The following CADPS2 variants were observed in gnomAD, a reference collection of about 807,000 sequenced individuals.
CADPS2 encodes the protein calcium dependent secretion activator 2.
CADPS2 carries 93 observed loss-of-function variants against 172.5 expected under a neutral mutation model. That is an observed-to-expected ratio of 0.54 (90% CI 0.46 to 0.64). The LOEUF (loss-of-function observed/expected upper bound fraction) is 0.64, where lower values mean the gene tolerates loss of function less well. CADPS2 is among the 30% of genes least tolerant of loss of function. CADPS2 has a pLI of 0.00. For missense variants in CADPS2, 1,420 were observed against 1,565.9 expected (o/e 0.91, Z 1.57); for synonymous variants, 546 against 555.2 (o/e 0.98, Z 0.23).
chr7:122,796,240 C>T (rs1796343651), intron 1 of CADPS2, among the ~76,000 whole-genome samples: 1 of 152,186 alleles, frequency 6.6e-6, no homozygotes, highest in Admixed American at 6.5e-5. Context: ...ACATTCCATG[C>T]TCATGGATAG....
chr7:122,659,793 G>A (rs567736205), intron 3 of CADPS2, among the ~76,000 whole-genome samples: 2 of 152,100 alleles, frequency 1.3e-5, no homozygotes, highest in South Asian at 2.1e-4. Context: ...AAGAGTAAAG[G>A]ATAAGAACTA....
At position 122,792,364 on chromosome 7, in the gene CADPS2, A is replaced by C. The variant is rs181471340; in HGVS notation, c.340-55296T>G. On this transcript the variant is annotated intron_variant, in intron 1 of 29. Transcript: ENST00000449022. ...TTATAAAGGAGGCTCTAGGCCCCAG[A>C]GAGACCCCATCCCTCTTTCAGCCAT... Among the ~76,000 whole-genome samples the C allele has an allele frequency of 5.0e-3, 754 of 152,284 alleles. 24 individuals carry two copies. The highest frequency in any genetic ancestry group is 1.9e-3 in the Admixed American group (29 of 15,288).
intron 4 of CADPS2, among the ~76,000 whole-genome samples, chr7:122,623,212 A>G (rs1469492599): frequency 1.3e-5 from 2 of 151,136 alleles, no homozygotes; most frequent in African/African-American, 4.9e-5. Flanking sequence ...CTACCCAGCT[A>G]TAAAATACCT....
intron 1 of CADPS2, among the ~76,000 whole-genome samples, chr7:122,797,115 A>T (rs1237302099): frequency 6.6e-6 from 1 of 152,152 alleles, no homozygotes; most frequent in African/African-American, 2.4e-5. Context: ...GCTCAACATC[A>T]CCTATCATTA....
intron 28 of CADPS2, among the ~76,000 whole-genome samples, chr7:122,333,015 G>A (rs1245605950): frequency 6.6e-6 from 1 of 152,166 alleles, no homozygotes; most frequent in Non-Finnish European, 1.5e-5. Context: ...TAGTGTCCTT[G>A]ATGGGATGCA....
At chr7:122,773,051 G>T (rs913653831) in intron 1 of CADPS2, among the ~76,000 whole-genome samples, 1 of 152,056 alleles carries the variant, frequency 6.6e-6, no homozygotes, top group East Asian at 1.9e-4. Context: ...TTAGATCTCA[G>T]TATAATGAAG....
intron 4 of CADPS2, among the ~76,000 whole-genome samples, chr7:122,625,136 C>T (rs975224694): frequency 6.6e-5 from 10 of 152,036 alleles, no homozygotes; most frequent in Non-Finnish European, 1.5e-4. Context: ...CCACAACCTC[C>T]GCCTCCCAGT....
chr7:122,587,769 G>C (rs112804288), intron 6 of CADPS2, among the ~76,000 whole-genome samples: 28,301 of 151,936 alleles, frequency 0.19, 3,514 homozygotes, highest in Non-Finnish European at 0.28. Context: ...TCTGGTTCTA[G>C]GTCTTTGAGG....
chr7:122,393,448 G>A lies in CADPS2; in HGVS notation c.2881C>T (p.Pro961Ser). The change falls in exon 21 of 30, where the codon CCT (proline) becomes TCT (serine). Residue 961 changes from proline to serine, a missense_variant. Transcript: ENST00000449022. ...ACTAGGTAAGATACCTACTTGACAG[G>A]CTGCCATGTCTCCTGCTCAAAACCT... Reference protein sequence around the residue: ...HRGFEQETWQPVKNIANSLPN... With the variant: ...HRGFEQETWQSVKNIANSLPN... 6.2e-7 allele frequency: 1 copy of A among 1,613,852 alleles called. No individual in the cohort carries two copies. The highest frequency in any genetic ancestry group is 1.1e-5 in the South Asian group (1 of 91,062).
intron 1 of CADPS2, among the ~76,000 whole-genome samples, chr7:122,782,116 T>C (rs569302288): frequency 2.0e-5 from 3 of 152,312 alleles, no homozygotes. Flanking sequence ...TCTAAATGCT[T>C]AGTGTGAGAA....
chr7:122,554,835 T>C lies in CADPS2; in HGVS notation c.1336-146A>G, dbSNP rs2064825610. 1.1e-5 allele frequency: 6 copies of C among 562,450 alleles called. No individual in the cohort carries two copies. In the South Asian group the frequency reaches 2.3e-4, roughly 21 times the overall value. The allele number at this position is 562,450 out of a possible 1,614,324, so 34.8% of individuals were successfully genotyped here. On this transcript the variant is annotated intron_variant, in intron 7 of 29. Coordinates refer to ENST00000449022, the MANE Select transcript of CADPS2 (RefSeq NM_017954.11). Reference sequence around the variant, plus strand: ...TAAACAATTTGACTCCCTACTACAATAGCTGATGGATTTTCAATACAGACT... The same window carrying C: ...TAAACAATTTGACTCCCTACTACAACAGCTGATGGATTTTCAATACAGACT...
intron 6 of CADPS2, among the ~76,000 whole-genome samples, chr7:122,609,235 A>G (rs2073990524): frequency 6.6e-6 from 1 of 152,128 alleles, no homozygotes; most frequent in African/African-American, 2.4e-5. Flanking sequence ...GAAATTTAGG[A>G]CTACTATATG....
intron 1 of CADPS2, among the ~76,000 whole-genome samples, chr7:122,877,612 A>C (rs1383780961): frequency 1.3e-5 from 2 of 152,192 alleles, no homozygotes; most frequent in Non-Finnish European, 2.9e-5. Flanking sequence ...ATGTCACAAT[A>C]AAAATATAAA....
chr7:122,626,074 G>C (rs2076061883), intron 4 of CADPS2, among the ~76,000 whole-genome samples: 1 of 152,188 alleles, frequency 6.6e-6, no homozygotes, highest in Non-Finnish European at 1.5e-5. Context: ...AAGGGCAAGA[G>C]TTTAGTGGAG....
intron 25 of CADPS2, among the ~76,000 whole-genome samples, chr7:122,370,375 A>G (rs2041611900): frequency 6.6e-6 from 1 of 152,192 alleles, no homozygotes; most frequent in African/African-American, 2.4e-5. Context: ...GTGAATTTCA[A>G]TCCTTTTTAA....
intron 7 of CADPS2, among the ~76,000 whole-genome samples, chr7:122,559,495 G>A (rs2065448705): frequency 6.6e-6 from 1 of 152,176 alleles, no homozygotes; most frequent in African/African-American, 2.4e-5. Flanking sequence ...AGAGGGCCAG[G>A]TGCGGTGGCT....
intron 6 of CADPS2, among the ~76,000 whole-genome samples, chr7:122,594,438 C>T (rs1301514913): frequency 6.6e-6 from 1 of 151,972 alleles, no homozygotes; most frequent in Non-Finnish European, 1.5e-5. Context: ...ATAGAAGTTT[C>T]CCTTTCCCTT....
rs571750772 is a variant in CADPS2, at chr7:122,870,371, A to G, written c.339+15628T>C. Among the ~76,000 whole-genome samples the G allele has an allele frequency of 6.4e-4, 98 of 152,142 alleles. 1 individual carries two copies. The highest frequency in any genetic ancestry group is 2.3e-3 in the African/African-American group (97 of 41,560). ...AAAAAGAGACAAAGAAGGTCATTAT[A>G]TAATAATAAAGGGGTCAATTCATCA... On this transcript the variant is annotated intron_variant, in intron 1 of 29. Transcript: ENST00000449022.
intron 1 of CADPS2, among the ~76,000 whole-genome samples, chr7:122,799,257 T>C (rs1384026425): frequency 6.6e-6 from 1 of 152,176 alleles, no homozygotes; most frequent in African/African-American, 2.4e-5. Flanking sequence ...TACAGTATTA[T>C]TCTTTTCTTT....
Sources: allele counts gnomAD v4.1 joint callset (sites outside exome capture counted in the v4.1 genomes callset), GRCh38; gene constraint gnomAD v4.1.1; transcripts MANE v1.5; gene names NCBI Gene and HGNC (gene_info 2026-07-23, HGNC 2026-07-21).